The following DIAPH3 variants were observed in gnomAD, a reference collection of about 807,000 sequenced individuals.
DIAPH3 encodes protein diaphanous homolog 3.
Under a neutral mutation model 144.3 loss-of-function variants are expected in DIAPH3, and 117 were observed. That is an observed-to-expected ratio of 0.81 (90% CI 0.70 to 0.95). DIAPH3 has a LOEUF of 0.95. Ranked by LOEUF, DIAPH3 falls within the 40% of genes least tolerant of loss-of-function variation. The probability of loss-of-function intolerance (pLI) is 0.00; values close to 1 mark genes in which losing one functional copy is unlikely to be tolerated. For missense variants in DIAPH3, 1,421 were observed against 1,412.7 expected (o/e 1.01, Z -0.09); for synonymous variants, 519 against 488.9 (o/e 1.06, Z -0.81).
intron 23 of DIAPH3, among the ~76,000 whole-genome samples, chr13:59,833,791 C>T (rs1322597894): frequency 6.6e-6 from 1 of 151,704 alleles, no homozygotes; most frequent in East Asian, 1.9e-4. Flanking sequence ...ATATCACCAA[C>T]TCACAGGGCT....
intron 22 of DIAPH3, among the ~76,000 whole-genome samples, chr13:59,846,916 T>G (rs1348913741): frequency 1.3e-5 from 2 of 151,966 alleles, no homozygotes; most frequent in African/African-American, 4.8e-5. Flanking sequence ...TCTCTATAAA[T>G]TTTTTTAAAA....
intron 27 of DIAPH3, among the ~76,000 whole-genome samples, chr13:59,714,996 A>C (rs978830316): frequency 6.6e-6 from 1 of 152,212 alleles, no homozygotes; most frequent in African/African-American, 2.4e-5. Context: ...GAAAAGGGGC[A>C]GTACTGACGT....
intron 27 of DIAPH3, among the ~76,000 whole-genome samples, chr13:59,747,437 A>G (rs895484028): frequency 6.6e-6 from 1 of 152,248 alleles, no homozygotes; most frequent in African/African-American, 2.4e-5. Flanking sequence ...TGAATGGATC[A>G]TCATGAGATG....
At chr13:59,851,505 C>T (rs1230388520) in intron 22 of DIAPH3, among the ~76,000 whole-genome samples, 7 of 152,152 alleles carry the variant, frequency 4.6e-5, no homozygotes, top group East Asian at 1.9e-4. Context: ...CTTTCATTGG[C>T]TTGGTTCTAT....
At chr13:59,995,772 TA>T (rs1287276000) in intron 9 of DIAPH3, among the ~76,000 whole-genome samples, 1 of 151,978 alleles carries the variant, frequency 6.6e-6, no homozygotes, top group African/African-American at 2.4e-5. Context: ...ATTAGTGATC[TA>T]AATCTTAAAA....
In DIAPH3 at chr13:59,930,551, A is replaced by G. The variant is rs554384938; in HGVS notation, c.2075-5681T>C. Among the ~76,000 whole-genome samples the G allele has an allele frequency of 3.3e-5, 5 of 152,308 alleles. No homozygotes were observed. In the East Asian group the frequency reaches 9.6e-4, roughly 29 times the overall value. ...AAGGTGTAAAGGTGCAAAAACTCTA[A>G]AGGCACTGAAAGACTTGAAGATAAT... On this transcript the variant is annotated intron_variant, in intron 17 of 27. Coordinates refer to ENST00000400324, the MANE Select transcript of DIAPH3 (RefSeq NM_001042517.2).
At chr13:59,855,942 A>G (rs2043230053) in intron 22 of DIAPH3, among the ~76,000 whole-genome samples, 1 of 152,034 alleles carries the variant, frequency 6.6e-6, no homozygotes, top group African/African-American at 2.4e-5. Context: ...AGAAAAAGAC[A>G]AAACAAAAAC....
intron 22 of DIAPH3, among the ~76,000 whole-genome samples, chr13:59,853,939 G>A (rs2043120784): frequency 6.6e-6 from 1 of 152,134 alleles, no homozygotes; most frequent in African/African-American, 2.4e-5. Context: ...AAAGATGACT[G>A]TAGTGGGTGA....
chr13:60,017,104 T>C (rs949026470), intron 5 of DIAPH3, among the ~76,000 whole-genome samples: 6 of 152,154 alleles, frequency 3.9e-5, no homozygotes, highest in African/African-American at 1.4e-4. Flanking sequence ...AACAGTAAGA[T>C]GTTAAAAACA....
chr13:59,847,962 C>T (rs763282135), intron 22 of DIAPH3, among the ~76,000 whole-genome samples: 4 of 152,154 alleles, frequency 2.6e-5, no homozygotes, highest in African/African-American at 9.7e-5. Context: ...TTGACTTGCC[C>T]CTACATCGCA....
chr13:59,931,662 G>A, intron 17 of DIAPH3, among the ~76,000 whole-genome samples: 1 of 152,156 alleles, frequency 6.6e-6, no homozygotes, highest in East Asian at 1.9e-4. Flanking sequence ...GTGGTCACTT[G>A]TGTGTATGTA....
intron 2 of DIAPH3, among the ~76,000 whole-genome samples, chr13:60,118,554 T>TTTC (rs2058755196): frequency 6.6e-6 from 1 of 151,888 alleles, no homozygotes; most frequent in Non-Finnish European, 1.5e-5. Flanking sequence ...GAATAAAATC[T>TTTC]ACTGCTTGAA....
rs551891998 is a variant in DIAPH3, at chr13:59,891,190, A to G, written c.2368-11722T>C. ...GCACTAGATGAAAGTCAGATCTAAA[A>G]GCAACCTTAAAACAATGTTGTTTGC... is the stretch of plus-strand genomic sequence containing the variant. On this transcript the variant is annotated intron_variant, in intron 20 of 27. Coordinates refer to ENST00000400324, the MANE Select transcript of DIAPH3 (RefSeq NM_001042517.2). 1.3e-3 allele frequency among the ~76,000 whole-genome samples: 204 copies of G among 152,110 alleles called. 2 individuals are homozygous for G. Among genetic ancestry groups the G allele is most frequent in the Non-Finnish European group, 5.0e-4 (34 of 67,982 alleles).
At chr13:60,071,285 C>T (rs572628518) in intron 4 of DIAPH3, among the ~76,000 whole-genome samples, 1 of 152,140 alleles carries the variant, frequency 6.6e-6, no homozygotes, top group Non-Finnish European at 1.5e-5. Flanking sequence ...ACTCCTCTCC[C>T]ATCAGGACAG....
chr13:59,827,420 T>A (rs553989384), intron 24 of DIAPH3, among the ~76,000 whole-genome samples: 6 of 152,036 alleles, frequency 3.9e-5, no homozygotes, highest in Admixed American at 1.3e-4. Flanking sequence ...AGAAAAATTA[T>A]TTTGAAATAG....
chr13:59,799,056 G>C (rs767138880), intron 25 of DIAPH3, among the ~76,000 whole-genome samples: 3 of 152,136 alleles, frequency 2.0e-5, no homozygotes, highest in Non-Finnish European at 2.9e-5. Context: ...AAGAGCACGA[G>C]TGCAAGAGAA....
chr13:60,084,582 C>A (rs2057688257), intron 4 of DIAPH3, among the ~76,000 whole-genome samples: 1 of 151,760 alleles, frequency 6.6e-6, no homozygotes, highest in Non-Finnish European at 1.5e-5. Context: ...ACCAAAGTAG[C>A]ACAAAGCAGT....
At chr13:60,010,794 A>G (rs2053195306) in intron 7 of DIAPH3, 125 bp from the exon 8 acceptor site, 1 of 946,232 alleles carries the variant, frequency 1.1e-6, no homozygotes. Flanking sequence ...GCTAAAAAAT[A>G]TAGACTGTGT....
chr13:60,042,513 A>G (rs1452486722), intron 5 of DIAPH3, among the ~76,000 whole-genome samples, 177 bp downstream of exon 5: 2 of 152,218 alleles, frequency 1.3e-5, no homozygotes, highest in African/African-American at 2.4e-5. Flanking sequence ...TGTACCACTC[A>G]GTAATAAATG....
Sources: gnomAD v4.1 joint callset for allele counts (sites outside exome capture counted in the v4.1 genomes callset) on GRCh38, gnomAD v4.1.1 for gene constraint, MANE v1.5 for transcripts, NCBI Gene and HGNC (gene_info 2026-07-23, HGNC 2026-07-21) for gene names.